Variants in STAT5A observed in about 807,000 individuals in gnomAD.
STAT5A encodes the protein signal transducer and activator of transcription 5A.
STAT5A carries 26 observed loss-of-function variants against 100.2 expected under a neutral mutation model. That is an observed-to-expected ratio of 0.26 (90% CI 0.19 to 0.36). The LOEUF (loss-of-function observed/expected upper bound fraction) is 0.36. Ranked by LOEUF, STAT5A falls within the 10% of genes least tolerant of loss-of-function variation. STAT5A has a pLI of 1.00. For missense variants in STAT5A, 634 were observed against 1,027.5 expected (o/e 0.62, Z 5.24); for synonymous variants, 330 against 424.3 (o/e 0.78, Z 2.73).
chr17:42,298,889 C>T (rs771157830), intron 5 of STAT5A, among the ~76,000 whole-genome samples: 2 of 152,172 alleles, frequency 1.3e-5, no homozygotes, highest in Admixed American at 6.5e-5. Context: ...CGCCTCCCTT[C>T]GGCCTCCCTT....
intron 3 of STAT5A, among the ~76,000 whole-genome samples, chr17:42,291,309 G>C (rs1027637850): frequency 6.6e-6 from 1 of 152,198 alleles, no homozygotes; most frequent in African/African-American, 2.4e-5. Context: ...CTTGCTCACC[G>C]CCGCTCACCT....
intron 8 of STAT5A, 30 bp from the exon 9 acceptor site, chr17:42,301,245 A>G: frequency 6.2e-7 from 1 of 1,605,700 alleles, no homozygotes; most frequent in East Asian, 2.2e-5. Context: ...CCAACCCCTC[A>G]TCGTGTGTCT....
rs1432088316 is a variant in STAT5A, at chr17:42,310,597, A to C, written c.2313A>C (p.Pro771=). Reference sequence around the variant, plus strand: ...ACGTGGAGGAACTCTTACGCCGACCAATGGACAGTCTTGACTCCCGCCTCT... The same window carrying C: ...ACGTGGAGGAACTCTTACGCCGACCCATGGACAGTCTTGACTCCCGCCTCT... The part of the protein sequence containing the change: ...ARHVEELLRR[P]MDSLDSRLSP... The change falls in exon 19 of 19, where the codon CCA becomes CCC. Residue 771 remains proline, a synonymous_variant. Transcript: ENST00000590949. 6.2e-7 allele frequency: 1 copy of C among 1,614,092 alleles called. No individual in the cohort carries two copies. The highest frequency in any genetic ancestry group is 8.5e-7 in the Non-Finnish European group (1 of 1,180,052).
intron 5 of STAT5A, 37 bp downstream of exon 5, chr17:42,295,830 G>A (rs370956262): frequency 6.2e-7 from 1 of 1,607,418 alleles, no homozygotes; most frequent in Non-Finnish European, 8.5e-7. Flanking sequence ...TCCGGAGGGT[G>A]GGAGTGAGGA....
chr17:42,289,554 C>A lies in STAT5A; in HGVS notation c.128+15C>A. ...AGCCAGCCATGGTAGGCACGTCCCG[C>A]CCTGCCCCTCCTCAGAGGGTCCCTA... is the stretch of plus-strand genomic sequence containing the variant. On this transcript the variant is annotated intron_variant, in intron 2 of 18. Transcript: ENST00000590949. 1 of 1,610,284 alleles carries A rather than the reference C, an allele frequency of 6.2e-7. No homozygotes were observed. The highest frequency in any genetic ancestry group is 8.5e-7 in the Non-Finnish European group (1 of 1,178,356).
chr17:42,307,762 C>CAA, intron 15 of STAT5A, 39 bp downstream of exon 15: 1 of 1,602,454 alleles, frequency 6.2e-7, no homozygotes, highest in South Asian at 1.1e-5. Context: ...CCCCAAGGCC[C>CAA]GGTCTCTTGT....
intron 3 of STAT5A, among the ~76,000 whole-genome samples, chr17:42,290,487 G>A (rs949606228): frequency 1.3e-5 from 2 of 152,182 alleles, no homozygotes; most frequent in African/African-American, 4.8e-5. Flanking sequence ...TGGGTATGGA[G>A]GAAGAGAGGG....
intron 3 of STAT5A, 65 bp downstream of exon 3, chr17:42,290,087 T>C: frequency 6.7e-7 from 1 of 1,496,702 alleles, no homozygotes; most frequent in Non-Finnish European, 8.9e-7. Flanking sequence ...TCAGAACCCC[T>C]GGGTTTTTTC....
chr17:42,310,926 C>T lies in STAT5A; in HGVS notation c.*257C>T. ...AGTCTGTCTCTGTCATGGTAGAGAC[C>T]GAGCCTCTGTCACTGCAGGCACTCA... On this transcript the variant is annotated 3_prime_UTR_variant, in exon 19 of 19. Coordinates refer to ENST00000590949, the MANE Select transcript of STAT5A (RefSeq NM_001288718.2). The T allele has an allele frequency of 1.8e-6, 1 of 550,782 alleles. No individual in the cohort carries two copies. Among genetic ancestry groups the T allele is most frequent in the East Asian group, 3.2e-5 (1 of 30,856 alleles). 34.1% of individuals were successfully genotyped at this position (550,782 alleles called of 1,614,324 possible). A position where few individuals can be genotyped will look rare whatever the true frequency, so the allele number is the denominator to read the frequency against.
At position 42,310,780 on chromosome 17, in the gene STAT5A, G is replaced by T. The variant is rs2081073544; in HGVS notation, c.*111G>T. 8.1e-6 allele frequency: 3 copies of T among 372,234 alleles called. No individual in the cohort carries two copies. The highest frequency in any genetic ancestry group is 1.0e-5 in the Non-Finnish European group (3 of 293,720). The allele number at this position is 372,234 out of a possible 1,614,324, so 23.1% of individuals were successfully genotyped here. On this transcript the variant is annotated 3_prime_UTR_variant, in exon 19 of 19. Coordinates refer to ENST00000590949, the MANE Select transcript of STAT5A (RefSeq NM_001288718.2). Reference sequence around the variant, plus strand: ...CACCTTTGCAGGCATGCATGTGCTTGTGTGTGTGTGTGTGTGTGTGTCCTT... The same window carrying T: ...CACCTTTGCAGGCATGCATGTGCTTTTGTGTGTGTGTGTGTGTGTGTCCTT...
Position 42,310,546 on chromosome 17 carries a change from G to C in STAT5A, c.2262G>C (p.Leu754=). Residue 754 remains leucine (L), a synonymous_variant, in exon 19 of 19, where the codon CTG becomes CTC. Coordinates refer to ENST00000590949, the MANE Select transcript of STAT5A (RefSeq NM_001288718.2). ...HVLDQDGEFD[L]DETMDVARHV... ...TCGATCAGGATGGAGAATTCGACCT[G>C]GATGAGACCATGGATGTGGCCAGGC... 1.2e-6 allele frequency: 2 copies of C among 1,614,208 alleles called. No individual in the cohort carries two copies. Among genetic ancestry groups the C allele is most frequent in the Non-Finnish European group, 1.7e-6 (2 of 1,180,036 alleles).
chr17:42,293,758 A>G (rs1483123539), intron 4 of STAT5A, among the ~76,000 whole-genome samples: 1 of 152,212 alleles, frequency 6.6e-6, no homozygotes, highest in Non-Finnish European at 1.5e-5. Context: ...GGCATGTCTG[A>G]GCTACAGTGG....
intron 4 of STAT5A, 132 bp downstream of exon 4, chr17:42,292,193 G>GT: frequency 3.5e-6 from 4 of 1,141,706 alleles, no homozygotes; most frequent in Non-Finnish European, 3.8e-6. Flanking sequence ...GTGGGCAAGT[G>GT]TAAGAGGTGG....
intron 12 of STAT5A, 117 bp from the exon 13 acceptor site, chr17:42,306,124 C>T: frequency 1.3e-6 from 2 of 1,540,448 alleles, no homozygotes; most frequent in Non-Finnish European, 1.8e-6. Flanking sequence ...GCATTTGTGT[C>T]ACCTTTCTGG....
intron 3 of STAT5A, among the ~76,000 whole-genome samples, chr17:42,291,490 G>A (rs1222393141): frequency 6.6e-6 from 1 of 152,156 alleles, no homozygotes; most frequent in African/African-American, 2.4e-5. Context: ...GCCGAGGCGG[G>A]TGGATCACCT....
At chr17:42,306,825 T>C (rs2081033743) in intron 13 of STAT5A, among the ~76,000 whole-genome samples, 1 of 152,118 alleles carries the variant, frequency 6.6e-6, no homozygotes, top group South Asian at 2.1e-4. Flanking sequence ...GTTCAAGTGA[T>C]TCTCGTGCCT....
rs149261935 is a variant in STAT5A, at chr17:42,310,593, G to A, written c.2309G>A (p.Arg770Gln). ...AGGCACGTGGAGGAACTCTTACGCC[G>A]ACCAATGGACAGTCTTGACTCCCGC... Reference protein sequence around the residue: ...VARHVEELLRRPMDSLDSRLS... With the variant: ...VARHVEELLRQPMDSLDSRLS... Residue 770 changes from arginine (R) to glutamine (Q), a missense_variant, in exon 19 of 19, where the codon CGA becomes CAA. Transcript: ENST00000590949. 1.7e-4 allele frequency: 278 copies of A among 1,614,204 alleles called. 2 individuals carry two copies. The highest frequency in any genetic ancestry group is 2.1e-4 in the Non-Finnish European group (251 of 1,180,038).
Position 42,304,327 on chromosome 17 carries a change from C to G in STAT5A, c.1170-15C>G, listed in dbSNP as rs1398188171. 2 of 1,613,768 alleles carry G rather than the reference C, an allele frequency of 1.2e-6. No homozygotes were observed. Among genetic ancestry groups the G allele is most frequent in the Non-Finnish European group, 1.7e-6 (2 of 1,179,870 alleles). The stretch of plus-strand genomic sequence containing the variant: ...TGGGGCCCATGTGGAGCTGGGACCC[C>G]CCTCTCCTTTGCAGCGAGTGCAGTG... On this transcript the variant is annotated splice_polypyrimidine_tract_variant and intron_variant, in intron 9 of 18. Transcript: ENST00000590949. This position sits in a 1 kb window ranked among gnomAD's most constrained non-coding sequence, Gnocchi z 4.8.
At chr17:42,298,119 G>A (rs148058890) in intron 5 of STAT5A, among the ~76,000 whole-genome samples, 34 of 151,960 alleles carry the variant, frequency 2.2e-4, no homozygotes, top group Admixed American at 7.2e-4. Flanking sequence ...TGATACACAG[G>A]CGCCCTTGTG....
Sources: allele counts gnomAD v4.1 joint callset (sites outside exome capture counted in the v4.1 genomes callset), GRCh38; gene constraint gnomAD v4.1.1; non-coding constraint Gnocchi (gnomAD v3.1); transcripts MANE v1.5; gene names NCBI Gene and HGNC (gene_info 2026-07-23, HGNC 2026-07-21).